Variants in GRM1 observed in about 807,000 individuals in gnomAD.
GRM1 encodes the protein glutamate metabotropic receptor 1, also known as metabotropic glutamate receptor 1.
In GRM1, 33 loss-of-function variants were observed where a neutral mutation model predicts 90.9. That is an observed-to-expected ratio of 0.36 (90% CI 0.28 to 0.49). The LOEUF is 0.49. GRM1 is among the 20% of genes least tolerant of loss of function. The probability of loss-of-function intolerance (pLI) is 0.99; values close to 1 mark genes in which losing one functional copy is unlikely to be tolerated. For missense variants in GRM1, 1,190 were observed against 1,534.3 expected (o/e 0.78, Z 3.75); for synonymous variants, 700 against 613.2 (o/e 1.14, Z -2.09).
rs561836379 is a variant in GRM1 at position 146,033,373 on chromosome 6, C to CA, written c.700+3163dup. Among the ~76,000 whole-genome samples, 739 of 151,822 alleles carry CA rather than the reference C, an allele frequency of 4.9e-3. 16 individuals are homozygous for CA. The South Asian group carries it at 0.053, about 11-fold the overall frequency. On this transcript the variant is annotated intron_variant, in intron 1 of 7. Transcript: ENST00000282753. ...TTCTGATAAAATACAGATTCCCCGT[C>CA]AAAAAAACAAATTTATTATTTCAAA...
rs538323617 is a variant in GRM1, at chr6:146,070,379, C to T, written c.700+40162C>T. On this transcript the variant is annotated intron_variant, in intron 1 of 7. Transcript: ENST00000282753. ...ATACTTAGGACAGTCTTATGGTATG[C>T]GCTTTATATAAGATTTATGAAGGGG... 7.9e-5 allele frequency among the ~76,000 whole-genome samples: 12 copies of T among 152,110 alleles called. No individual in the cohort carries two copies. The South Asian group carries it at 1.7e-3, about 21-fold the overall frequency.
intron 3 of GRM1, among the ~76,000 whole-genome samples, chr6:146,337,752 C>T (rs974818243): frequency 6.6e-6 from 1 of 152,114 alleles, no homozygotes; most frequent in Non-Finnish European, 1.5e-5. Context: ...ATTATAACGA[C>T]TTGAAAATAC....
intron 1 of GRM1, among the ~76,000 whole-genome samples, chr6:146,130,301 T>G (rs1009273610): frequency 7.1e-6 from 1 of 141,820 alleles, no homozygotes; most frequent in African/African-American, 2.5e-5. Flanking sequence ...GACAAATAAT[T>G]TTGTGAAGAA....
intron 2 of GRM1, among the ~76,000 whole-genome samples, chr6:146,270,662 T>A (rs941231861): frequency 5.3e-5 from 8 of 152,156 alleles, no homozygotes; most frequent in African/African-American, 1.2e-4. Flanking sequence ...TTGGTCACAA[T>A]GTTGGTGACC....
At chr6:146,223,690 A>G (rs1282881795) in intron 2 of GRM1, among the ~76,000 whole-genome samples, 1 of 152,026 alleles carries the variant, frequency 6.6e-6, no homozygotes, top group East Asian at 1.9e-4. Context: ...CCTTGGCACC[A>G]CCTCTTTAGC....
At chr6:146,150,938 G>GCGCA (rs1554273698) in intron 1 of GRM1, among the ~76,000 whole-genome samples, 2,667 of 150,816 alleles carry the variant, frequency 0.018, 27 homozygotes, top group South Asian at 0.038. Flanking sequence ...GCGTGTGCGC[G>GCGCA]CACACACACA....
Position 146,434,404 on chromosome 6 carries a change from C to G in GRM1, c.3193C>G (p.Leu1065Val), listed in dbSNP as rs562215124. The G allele has an allele frequency of 6.2e-7, 1 of 1,613,500 alleles. No homozygotes were observed. Among genetic ancestry groups the G allele is most frequent in the Non-Finnish European group, 8.5e-7 (1 of 1,179,804 alleles). The change falls in exon 8 of 8, where the codon CTG (leucine) becomes GTG (valine). Residue 1065 changes from leucine to valine, a missense_variant. Around this residue, in one of 10 missense-constraint regions of GRM1, gnomAD observed 400 missense variants for 360.8 expected, o/e 1.11. Coordinates refer to ENST00000282753, the MANE Select transcript of GRM1 (RefSeq NM_001278064.2). ...PGGPGNGLRS[L>V]YPPPPPPQHL... Reference sequence around the variant, plus strand: ...TGGTCCCGGGAACGGGCTGCGGTCCCTGTACCCGCCCCCGCCACCTCCGCA... The same window carrying G: ...TGGTCCCGGGAACGGGCTGCGGTCCGTGTACCCGCCCCCGCCACCTCCGCA...
chr6:146,389,466 C>G (rs751905189), intron 6 of GRM1, among the ~76,000 whole-genome samples: 2 of 151,986 alleles, frequency 1.3e-5, no homozygotes, highest in Non-Finnish European at 2.9e-5. Context: ...CAAGGTCATA[C>G]CTTTTATTCC....
intron 2 of GRM1, among the ~76,000 whole-genome samples, chr6:146,189,403 C>T (rs1778855081): frequency 6.6e-6 from 1 of 152,160 alleles, no homozygotes; most frequent in African/African-American, 2.4e-5. Flanking sequence ...GTAGCAATTC[C>T]TATTCTGATT....
intron 3 of GRM1, among the ~76,000 whole-genome samples, chr6:146,317,528 A>G (rs1784019403): frequency 6.6e-6 from 1 of 152,076 alleles, no homozygotes; most frequent in South Asian, 2.1e-4. Flanking sequence ...GAACCCCCCT[A>G]CTTTTTGGTA....
intron 3 of GRM1, among the ~76,000 whole-genome samples, chr6:146,336,007 C>T (rs1194866949): frequency 6.6e-6 from 1 of 152,180 alleles, no homozygotes; most frequent in East Asian, 1.9e-4. Flanking sequence ...CTTTGCTCCT[C>T]CTTCACCTTC....
chr6:146,276,266 A>G (rs1782357961), intron 2 of GRM1, among the ~76,000 whole-genome samples: 4 of 152,302 alleles, frequency 2.6e-5, no homozygotes, highest in South Asian at 2.1e-4. Context: ...ATTCATCACT[A>G]TGTGATTTTA....
At chr6:146,134,863 A>G (rs906110172) in intron 1 of GRM1, among the ~76,000 whole-genome samples, 4 of 152,092 alleles carry the variant, frequency 2.6e-5, no homozygotes, top group African/African-American at 7.2e-5. Flanking sequence ...CCCGGGAGGC[A>G]GAGCTTGCAG....
intron 2 of GRM1, among the ~76,000 whole-genome samples, chr6:146,249,410 C>T (rs544706276): frequency 7.2e-5 from 11 of 152,238 alleles, no homozygotes; most frequent in African/African-American, 1.4e-4. Context: ...CGCATCCCCG[C>T]GGTTCCAGCT....
At chr6:146,357,941 A>G (rs1451164424) in intron 5 of GRM1, among the ~76,000 whole-genome samples, 1 of 152,218 alleles carries the variant, frequency 6.6e-6, no homozygotes, top group African/African-American at 2.4e-5. Flanking sequence ...CTTTAACACA[A>G]TCTTGGCAGG....
chr6:146,404,902 A>G (rs768167324), intron 7 of GRM1, among the ~76,000 whole-genome samples: 8 of 152,214 alleles, frequency 5.3e-5, no homozygotes, highest in African/African-American at 1.2e-4. Flanking sequence ...ATCCAATAAC[A>G]GGTAAAAATA....
At chr6:146,227,440 G>C (rs1469935515) in intron 2 of GRM1, among the ~76,000 whole-genome samples, 1 of 152,110 alleles carries the variant, frequency 6.6e-6, no homozygotes, top group Non-Finnish European at 1.5e-5. Context: ...ATAATGACAT[G>C]TGTCCAGCAT....
At chr6:146,030,299 C>T in intron 1 of GRM1, 82 bp downstream of exon 1, 1 of 1,000,754 alleles carries the variant, frequency 1.0e-6, no homozygotes, top group Non-Finnish European at 1.6e-6. Context: ...AGTATTGTTC[C>T]TGTTTATTTC....
At chr6:146,426,564 G>A (rs1778219232) in intron 7 of GRM1, 4 of 1,612,444 alleles carry the variant, frequency 2.5e-6, no homozygotes, top group Non-Finnish European at 3.4e-6. Context: ...TTCAGGAAGA[G>A]GCAGCCAGAA....
Sources: allele counts gnomAD v4.1 joint callset (sites outside exome capture counted in the v4.1 genomes callset), GRCh38; gene constraint gnomAD v4.1.1; regional missense constraint gnomAD v4.1.1; transcripts MANE v1.5; gene names NCBI Gene and HGNC (gene_info 2026-07-23, HGNC 2026-07-21).